Variants in RFX7 observed in about 807,000 individuals in gnomAD.
The protein encoded by RFX7 is regulatory factor X7, also known as DNA-binding protein RFX7.
A neutral mutation model predicts 111.8 loss-of-function variants in RFX7; 26 were observed. That is an observed-to-expected ratio of 0.23 (90% CI 0.17 to 0.32). The LOEUF (loss-of-function observed/expected upper bound fraction) is 0.32, where lower values mean the gene tolerates loss of function less well. RFX7 is among the 10% of genes least tolerant of loss of function. RFX7 has a pLI of 1.00. For synonymous variants in RFX7, 624 were observed against 624.4 expected, an observed-to-expected ratio of 1.00 and a Z score of 0.01; for missense variants, 1,573 against 1,772.9, an observed-to-expected ratio of 0.89 and a Z score of 2.02.
chr15:56,189,825 A>C (rs2043082220), intron 2 of RFX7: 1 of 152,250 alleles, frequency 6.6e-6, no homozygotes, highest in African/African-American at 2.4e-5. Context: ...GCATTTAGAC[A>C]TAAACCTACC....
At chr15:56,126,139 TC>T (rs1297833659) in intron 5 of RFX7, among the ~76,000 whole-genome samples, 38 of 152,318 alleles carry the variant, frequency 2.5e-4, no homozygotes, top group African/African-American at 8.7e-4. Flanking sequence ...CATTATCTGA[TC>T]CATCAACATT....
At chr15:56,215,097 T>G (rs1426269621) in intron 2 of RFX7, among the ~76,000 whole-genome samples, 1 of 152,236 alleles carries the variant, frequency 6.6e-6, no homozygotes, top group African/African-American at 2.4e-5. Flanking sequence ...TACCATGATC[T>G]GCAGATGCTT....
At chr15:56,223,299 C>T (rs1217196719) in intron 2 of RFX7, among the ~76,000 whole-genome samples, 2 of 152,164 alleles carry the variant, frequency 1.3e-5, no homozygotes, top group Admixed American at 1.3e-4. Context: ...CAGCAGAAGC[C>T]TTACAAATCC....
intron 3 of RFX7, among the ~76,000 whole-genome samples, chr15:56,163,742 T>G (rs1195800110): frequency 6.6e-6 from 1 of 152,190 alleles, no homozygotes; most frequent in Middle Eastern, 3.2e-3. Flanking sequence ...TTATTCTTTG[T>G]TATATACTAT....
chr15:56,202,806 T>G (rs1205696054), intron 2 of RFX7, among the ~76,000 whole-genome samples: 1 of 152,114 alleles, frequency 6.6e-6, no homozygotes, highest in Admixed American at 6.5e-5. Flanking sequence ...GGCAAGACCT[T>G]GTCTCTAAAA....
Position 56,095,430 on chromosome 15 carries a change from G to C in RFX7, c.2298C>G (p.Leu766=), listed in dbSNP as rs746664743. The C allele has an allele frequency of 1.9e-5, 31 of 1,612,870 alleles. No homozygotes were observed. Among genetic ancestry groups the C allele is most frequent in the Non-Finnish European group, 2.5e-5 (30 of 1,179,856 alleles). Residue 766 remains leucine (L), a synonymous_variant, in exon 10 of 10, where the codon CTC becomes CTG. Coordinates refer to ENST00000559447, the MANE Select transcript of RFX7 (RefSeq NM_022841.7). ...CAACTGACTTTGAATCACTGTCCAA[G>C]AGAAAGACACTTCCTTCAAGTTTTA... ...IKVKLEGSVF[L]LDSDSKSVGS...
intron 3 of RFX7, among the ~76,000 whole-genome samples, chr15:56,154,571 T>G (rs1373707960): frequency 6.6e-6 from 1 of 152,214 alleles, no homozygotes; most frequent in African/African-American, 2.4e-5. Flanking sequence ...GAAAACTGGC[T>G]AGCCATATGT....
chr15:56,165,057 A>G (rs1291022733), intron 3 of RFX7, among the ~76,000 whole-genome samples: 1 of 152,206 alleles, frequency 6.6e-6, no homozygotes, highest in South Asian at 2.1e-4. Flanking sequence ...GGCATTAGTT[A>G]GATTTTCATA....
intron 8 of RFX7, 105 bp downstream of exon 8, chr15:56,101,254 A>G (rs1334197646): frequency 2.2e-6 from 2 of 902,224 alleles, no homozygotes; most frequent in Non-Finnish European, 1.7e-6. Context: ...AACACATGCA[A>G]GTACTAAAAG....
At chr15:56,135,991 C>T (rs2042296485) in intron 5 of RFX7, among the ~76,000 whole-genome samples, 1 of 152,058 alleles carries the variant, frequency 6.6e-6, no homozygotes, top group African/African-American at 2.4e-5. Flanking sequence ...GTTTTGGTAC[C>T]AGTACCATGC....
intron 5 of RFX7, among the ~76,000 whole-genome samples, chr15:56,120,728 C>T (rs2042067342): frequency 6.6e-6 from 1 of 152,034 alleles, no homozygotes; most frequent in African/African-American, 2.4e-5. Flanking sequence ...AGTGCTTTTT[C>T]ATTTCTTGCT....
At chr15:56,126,915 G>A (rs2042152619) in intron 5 of RFX7, among the ~76,000 whole-genome samples, 1 of 152,016 alleles carries the variant, frequency 6.6e-6, no homozygotes, top group African/African-American at 2.4e-5. Flanking sequence ...AACAGTCAGA[G>A]ACTTCAATGC....
At chr15:56,155,524 A>G (rs1368941192) in intron 3 of RFX7, among the ~76,000 whole-genome samples, 5 of 152,202 alleles carry the variant, frequency 3.3e-5, no homozygotes, top group South Asian at 2.1e-4. Context: ...TCAGAAAACC[A>G]AATACTGCGT....
At position 56,243,534 on chromosome 15, in the gene RFX7, CG is replaced by C. The variant is rs1221662265; in HGVS notation, c.-93del. ...TCCTCACGGCCGGGGCGCTTCACCG[CG>C]GGAGAGGCATGGCGGCGCCCCTCAG... On this transcript the variant is annotated 5_prime_UTR_variant, in exon 1 of 10. An upstream open reading frame in the 5' UTR loses its in-frame stop. Coordinates refer to ENST00000559447, the MANE Select transcript of RFX7 (RefSeq NM_022841.7). 21 of 983,080 alleles carry C rather than the reference CG, an allele frequency of 2.1e-5. No homozygotes were observed. Among genetic ancestry groups the C allele is most frequent in the Admixed American group, 6.2e-5 (1 of 16,112 alleles). 60.9% of individuals were successfully genotyped at this position (983,080 alleles called of 1,614,324 possible). A position where few individuals can be genotyped will look rare whatever the true frequency, so the allele number is the denominator to read the frequency against.
chr15:56,132,649 T>C (rs552249077), intron 5 of RFX7, among the ~76,000 whole-genome samples: 1 of 152,188 alleles, frequency 6.6e-6, no homozygotes, highest in South Asian at 2.1e-4. Context: ...CTAAGCATAA[T>C]AGTAATGTTA....
chr15:56,173,352 C>T (rs370837827), intron 3 of RFX7, among the ~76,000 whole-genome samples: 28 of 152,138 alleles, frequency 1.8e-4, no homozygotes, highest in African/African-American at 6.8e-4. Flanking sequence ...AACTTCAATA[C>T]ACTTCAAAGG....
intron 3 of RFX7, among the ~76,000 whole-genome samples, chr15:56,170,675 A>C (rs1215540347): frequency 6.6e-6 from 1 of 152,212 alleles, no homozygotes; most frequent in African/African-American, 2.4e-5. Flanking sequence ...TTAAAATTAA[A>C]CAAAATTAAA....
chr15:56,126,185 T>C (rs1289345220), intron 5 of RFX7, among the ~76,000 whole-genome samples: 1 of 152,218 alleles, frequency 6.6e-6, no homozygotes, highest in East Asian at 1.9e-4. Context: ...CTAGTATCAG[T>C]GAACTGCATA....
At chr15:56,177,232 G>A (rs2042912722) in intron 3 of RFX7, among the ~76,000 whole-genome samples, 1 of 151,998 alleles carries the variant, frequency 6.6e-6, no homozygotes, top group Non-Finnish European at 1.5e-5. Context: ...ACTCAGGTCG[G>A]CACTCAAATG....
Sources: allele counts gnomAD v4.1 joint callset (sites outside exome capture counted in the v4.1 genomes callset), GRCh38; gene constraint gnomAD v4.1.1; transcripts MANE v1.5; gene names NCBI Gene and HGNC (gene_info 2026-07-23, HGNC 2026-07-21).